The following NSUN7 variants were observed in gnomAD, a reference collection of about 807,000 sequenced individuals.
NSUN7 encodes the protein protein NSUN7.
A neutral mutation model predicts 58.5 loss-of-function variants in NSUN7; 39 were observed. The ratio of observed to expected loss-of-function variants is 0.67; its 90% CI spans 0.52 to 0.87. NSUN7 has a LOEUF of 0.87. NSUN7 is among the 40% of genes least tolerant of loss of function. The probability of loss-of-function intolerance (pLI) is 0.00; values close to 1 mark genes in which losing one functional copy is unlikely to be tolerated. For missense variants in NSUN7, 765 were observed against 844.1 expected (o/e 0.91, Z 1.16); for synonymous variants, 278 against 303.7 (o/e 0.92, Z 0.88).
chr4:40,780,453 C>T (rs1356392863), intron 7 of NSUN7, among the ~76,000 whole-genome samples: 4 of 151,052 alleles, frequency 2.6e-5, no homozygotes, highest in Non-Finnish European at 4.4e-5. Context: ...ATCAAAAATA[C>T]AAAAAATTAC....
chr4:40,759,413 A>G (rs1741331143), intron 2 of NSUN7, among the ~76,000 whole-genome samples: 1 of 152,234 alleles, frequency 6.6e-6, no homozygotes. Flanking sequence ...GGAAGTTTTT[A>G]AATATGTCCA....
intron 2 of NSUN7, among the ~76,000 whole-genome samples, chr4:40,753,404 T>A (rs1234721258): frequency 1.3e-5 from 2 of 152,104 alleles, no homozygotes; most frequent in East Asian, 3.9e-4. Flanking sequence ...GTCTCCCAAG[T>A]AGCTCCCAAG....
At chr4:40,772,482 T>C (rs1395932576) in intron 4 of NSUN7, among the ~76,000 whole-genome samples, 1 of 152,198 alleles carries the variant, frequency 6.6e-6, no homozygotes, top group African/African-American at 2.4e-5. Context: ...CTAATTTTAT[T>C]GTAGTCCCAA....
intron 7 of NSUN7, among the ~76,000 whole-genome samples, chr4:40,782,172 C>A (rs1400278249): frequency 1.3e-5 from 2 of 152,092 alleles, no homozygotes; most frequent in South Asian, 2.1e-4. Context: ...AATGAATAAT[C>A]TAAAAAATGA....
At chr4:40,754,934 C>T (rs895059453) in intron 2 of NSUN7, among the ~76,000 whole-genome samples, 1 of 152,128 alleles carries the variant, frequency 6.6e-6, no homozygotes, top group Non-Finnish European at 1.5e-5. Flanking sequence ...AGATTTAAAG[C>T]GCTCCGTAAA....
rs1330226204 is a variant in NSUN7, at chr4:40,809,626, AC to A, written c.*688del. 9.2e-5 allele frequency: 14 copies of A among 152,334 alleles called. No individual in the cohort carries two copies. Among genetic ancestry groups the A allele is most frequent in the African/African-American group, 3.4e-4 (14 of 41,566 alleles). The allele number at this position is 152,334 out of a possible 1,614,324, so 9.4% of individuals were successfully genotyped here. ...CCCTTCCTCTATGTCAAGCACTGTTACAAAAGACTGTGAGCAAATTTCCATC... is the reference window on the plus strand; with the variant it reads ...CCCTTCCTCTATGTCAAGCACTGTTAAAAAGACTGTGAGCAAATTTCCATC... On this transcript the variant is annotated 3_prime_UTR_variant, in exon 12 of 12. Coordinates refer to ENST00000381782, the MANE Select transcript of NSUN7 (RefSeq NM_024677.6).
At chr4:40,795,515 T>G (rs1411117879) in intron 9 of NSUN7, among the ~76,000 whole-genome samples, 1 of 152,206 alleles carries the variant, frequency 6.6e-6, no homozygotes, top group Non-Finnish European at 1.5e-5. Flanking sequence ...TAAAAAAGCT[T>G]CAGAAAGAAT....
rs369808046 is a variant in NSUN7 at position 40,808,645 on chromosome 4, C to T, written c.1863C>T (p.Asn621=). The change falls in exon 12 of 12, where the codon AAC becomes AAT. Residue 621 remains asparagine, a synonymous_variant. Transcript: ENST00000381782. Reference sequence around the variant, plus strand: ...CTGCAGTGCCTGCATTTGTGAAGAACACTTGTCCCTCCAGACCGCGTGAAC... The same window carrying T: ...CTGCAGTGCCTGCATTTGTGAAGAATACTTGTCCCTCCAGACCGCGTGAAC... The part of the protein sequence containing the change: ...PHPAVPAFVK[N]TCPSRPRERQ... The T allele has an allele frequency of 8.4e-6, 13 of 1,551,914 alleles. No homozygotes were observed. Among genetic ancestry groups the T allele is most frequent in the Non-Finnish European group, 1.1e-5 (13 of 1,147,048 alleles).
chr4:40,804,612 A>G (rs1324709964), intron 10 of NSUN7, among the ~76,000 whole-genome samples: 1 of 152,084 alleles, frequency 6.6e-6, no homozygotes, highest in Non-Finnish European at 1.5e-5. Flanking sequence ...AATAGTGAAC[A>G]GTCTTTGAGC....
chr4:40,757,380 A>G (rs918012573), intron 2 of NSUN7, among the ~76,000 whole-genome samples: 1 of 151,942 alleles, frequency 6.6e-6, no homozygotes, highest in African/African-American at 2.4e-5. Context: ...CTAAGCTATG[A>G]TGTTTAGTAG....
At chr4:40,800,648 T>C (rs1224922494) in intron 10 of NSUN7, among the ~76,000 whole-genome samples, 1 of 152,144 alleles carries the variant, frequency 6.6e-6, no homozygotes, top group Non-Finnish European at 1.5e-5. Flanking sequence ...CCCCTAAACA[T>C]TTTTGAATAA....
chr4:40,760,095 TAAGAA>T (rs1233414425), intron 2 of NSUN7, among the ~76,000 whole-genome samples: 23 of 152,236 alleles, frequency 1.5e-4, no homozygotes, highest in South Asian at 1.5e-3. Flanking sequence ...ATAAAAAGAA[TAAGAA>T]AACTATTGCT....
chr4:40,761,156 G>C lies in NSUN7; in HGVS notation c.358-15G>C. ...TGTTTGTATACTTTTCTTTATATAT[G>C]TTTTCCCTTGTTAGCCAGATCATTT... On this transcript the variant is annotated splice_polypyrimidine_tract_variant and intron_variant, in intron 3 of 11. Transcript: ENST00000381782. 4.5e-6 allele frequency: 7 copies of C among 1,560,856 alleles called. No individual in the cohort carries two copies. Among genetic ancestry groups the C allele is most frequent in the Non-Finnish European group, 6.1e-6 (7 of 1,155,850 alleles).
chr4:40,757,667 A>AC (rs1491463585), intron 2 of NSUN7, among the ~76,000 whole-genome samples: 3 of 146,380 alleles, frequency 2.0e-5, no homozygotes, highest in African/African-American at 7.5e-5. Context: ...ATATATATAC[A>AC]TTGTGTGTAT....
Position 40,795,744 on chromosome 4 carries a change from C to T in NSUN7, c.1282+1268C>T, listed in dbSNP as rs138494988. ...GATTTTGATAGAACCGATTAAAAGCCCGATTTGAAGTCAACCACATAAAAG... is the reference window on the plus strand; with the variant it reads ...GATTTTGATAGAACCGATTAAAAGCTCGATTTGAAGTCAACCACATAAAAG... On this transcript the variant is annotated intron_variant, in intron 9 of 11. Coordinates refer to ENST00000381782, the MANE Select transcript of NSUN7 (RefSeq NM_024677.6). Among the ~76,000 whole-genome samples the T allele has an allele frequency of 2.2e-4, 34 of 152,132 alleles. No homozygotes were observed. The East Asian group carries it at 5.4e-3, about 24-fold the overall frequency.
chr4:40,768,565 T>A (rs372134840), intron 4 of NSUN7, among the ~76,000 whole-genome samples: 2 of 152,200 alleles, frequency 1.3e-5, no homozygotes, highest in Non-Finnish European at 2.9e-5. Flanking sequence ...ATTTCCTCCT[T>A]GTAAAAGTGG....
chr4:40,780,792 C>CAT (rs765088042), intron 7 of NSUN7, among the ~76,000 whole-genome samples: 1,068 of 98,654 alleles, frequency 0.011, 17 homozygotes, highest in East Asian at 0.025. Flanking sequence ...CACACATACA[C>CAT]ATATATATAT....
At chr4:40,756,203 G>C (rs1321947317) in intron 2 of NSUN7, among the ~76,000 whole-genome samples, 2 of 152,236 alleles carry the variant, frequency 1.3e-5, no homozygotes, top group South Asian at 4.1e-4. Context: ...GGCCACCCAG[G>C]CCTGCTGAGC....
chr4:40,754,283 A>T (rs558086989), intron 2 of NSUN7, among the ~76,000 whole-genome samples: 1 of 151,786 alleles, frequency 6.6e-6, no homozygotes, highest in South Asian at 2.1e-4. Context: ...AGTAGCTGGG[A>T]TTACAGGCAC....
Sources: gnomAD v4.1 joint callset for allele counts (sites outside exome capture counted in the v4.1 genomes callset) on GRCh38, gnomAD v4.1.1 for gene constraint, MANE v1.5 for transcripts, NCBI Gene and HGNC (gene_info 2026-07-23, HGNC 2026-07-21) for gene names.